Variants in RBMS3 observed in about 807,000 individuals in gnomAD.
RBMS3 encodes the protein RNA binding motif single stranded interacting protein 3.
RBMS3 carries 27 observed loss-of-function variants against 66.8 expected under a neutral mutation model. The ratio of observed to expected loss-of-function variants is 0.40; its 90% CI spans 0.30 to 0.56. The LOEUF is 0.56. Among genes scored for constraint, RBMS3 ranks in the 20% least tolerant of loss-of-function variants. The probability of loss-of-function intolerance (pLI) is 0.40; values close to 1 mark genes in which losing one functional copy is unlikely to be tolerated. For synonymous variants in RBMS3, 188 were observed against 183.0 expected (o/e 1.03, Z -0.22); for missense variants, 513 against 549.5 (o/e 0.93, Z 0.66).
At chr3:29,734,150 G>A (rs2054268975) in intron 4 of RBMS3, among the ~76,000 whole-genome samples, 1 of 152,034 alleles carries the variant, frequency 6.6e-6, no homozygotes, top group Non-Finnish European at 1.5e-5. Flanking sequence ...CACACAGGAA[G>A]ATAAATACCA....
intron 4 of RBMS3, among the ~76,000 whole-genome samples, chr3:29,731,508 A>C (rs1489358576): frequency 6.6e-6 from 1 of 152,122 alleles, no homozygotes; most frequent in Non-Finnish European, 1.5e-5. Flanking sequence ...GACAGAGGGC[A>C]TGTTTTTAGG....
chr3:29,590,378 C>G (rs1221485950), intron 4 of RBMS3, among the ~76,000 whole-genome samples: 1 of 152,014 alleles, frequency 6.6e-6, no homozygotes, highest in Non-Finnish European at 1.5e-5. Context: ...GTTAGTTATT[C>G]AATAAATATT....
At chr3:29,739,972 T>C in intron 5 of RBMS3, 95 bp downstream of exon 5, 1 of 779,200 alleles carries the variant, frequency 1.3e-6, no homozygotes, top group African/African-American at 2.2e-5. Context: ...CAATAGAATA[T>C]GCAAAAAAAA....
At chr3:29,523,913 T>C (rs1488187831) in intron 3 of RBMS3, among the ~76,000 whole-genome samples, 1 of 152,042 alleles carries the variant, frequency 6.6e-6, no homozygotes, top group Non-Finnish European at 1.5e-5. Flanking sequence ...TTTAAATTTT[T>C]TTTTGTAGAG....
In RBMS3 at chr3:29,959,974, C is replaced by T. The variant is rs551096730; in HGVS notation, c.1098+15720C>T. ...CAAACCATATTATTTCACCCCGGCC[C>T]CTCCCAAATCTCATGTCCTTACCTT... is the stretch of plus-strand genomic sequence containing the variant. On this transcript the variant is annotated intron_variant, in intron 12 of 14. Coordinates refer to ENST00000383767, the MANE Select transcript of RBMS3 (RefSeq NM_001003793.3). 1.6e-4 allele frequency among the ~76,000 whole-genome samples: 24 copies of T among 152,190 alleles called. No homozygotes were observed. The South Asian group carries it at 5.0e-3, about 32-fold the overall frequency.
intron 3 of RBMS3, among the ~76,000 whole-genome samples, chr3:29,552,838 A>G (rs1279520214): frequency 2.6e-5 from 4 of 152,284 alleles, no homozygotes; most frequent in East Asian, 1.9e-4. Flanking sequence ...AGTAAAATGT[A>G]TCTCTAGGTA....
At chr3:29,382,475 T>A (rs1034012579) in intron 1 of RBMS3, among the ~76,000 whole-genome samples, 1 of 152,226 alleles carries the variant, frequency 6.6e-6, no homozygotes, top group Non-Finnish European at 1.5e-5. Context: ...GTTGCTTTAG[T>A]ATTTAAATTG....
At chr3:29,289,887 C>T (rs1430726535) in intron 1 of RBMS3, among the ~76,000 whole-genome samples, 2 of 151,810 alleles carry the variant, frequency 1.3e-5, no homozygotes, top group African/African-American at 4.8e-5. Flanking sequence ...CTGGTCATCC[C>T]ACTCTTAGCT....
intron 6 of RBMS3, among the ~76,000 whole-genome samples, chr3:29,808,491 A>T (rs2057627160): frequency 2.0e-5 from 3 of 152,062 alleles, no homozygotes; most frequent in Admixed American, 6.6e-5. Context: ...GAGTGCTAAA[A>T]TAAGGATGCA....
At chr3:29,514,901 A>T (rs1391801453) in intron 3 of RBMS3, among the ~76,000 whole-genome samples, 1 of 151,874 alleles carries the variant, frequency 6.6e-6, no homozygotes, top group South Asian at 2.1e-4. Flanking sequence ...TTTTCTTCTA[A>T]TAACTCCAGA....
At chr3:29,755,082 G>A (rs2055349860) in intron 5 of RBMS3, among the ~76,000 whole-genome samples, 1 of 152,142 alleles carries the variant, frequency 6.6e-6, no homozygotes, top group East Asian at 1.9e-4. Flanking sequence ...ATTAAAAGTG[G>A]TAATGTATTC....
chr3:29,470,171 C>G (rs1211209775), intron 2 of RBMS3, among the ~76,000 whole-genome samples: 1 of 151,480 alleles, frequency 6.6e-6, no homozygotes, highest in African/African-American at 2.4e-5. Flanking sequence ...CCATGACTAA[C>G]CCCAACTTTT....
At chr3:29,607,142 C>T (rs2048341786) in intron 4 of RBMS3, among the ~76,000 whole-genome samples, 1 of 151,852 alleles carries the variant, frequency 6.6e-6, no homozygotes, top group African/African-American at 2.4e-5. Context: ...ATTTGGTTAT[C>T]ATGTCAAGTT....
chr3:29,362,660 G>A (rs1248751491), intron 1 of RBMS3, among the ~76,000 whole-genome samples: 3 of 152,126 alleles, frequency 2.0e-5, no homozygotes, highest in African/African-American at 7.2e-5. Flanking sequence ...CTACCATCTT[G>A]GATGGAGTAC....
chr3:29,435,735 C>A (rs545661301), intron 2 of RBMS3, among the ~76,000 whole-genome samples: 1 of 152,092 alleles, frequency 6.6e-6, no homozygotes, highest in African/African-American at 2.4e-5. Flanking sequence ...GTCAGGAGAT[C>A]GAGACCTGAC....
At chr3:29,694,864 A>T (rs5001798) in intron 4 of RBMS3, among the ~76,000 whole-genome samples, 63,154 of 135,690 alleles carry the variant, frequency 0.47, 13,625 homozygotes, top group South Asian at 0.53. Flanking sequence ...TTTTTTTTAA[A>T]AAAAAAATAC....
At chr3:29,890,891 A>G (rs932805353) in intron 8 of RBMS3, among the ~76,000 whole-genome samples, 1 of 151,604 alleles carries the variant, frequency 6.6e-6, no homozygotes, top group Non-Finnish European at 1.5e-5. Context: ...CAAAAAGAAA[A>G]ATAAAGCAAA....
chr3:29,425,203 C>CAAA (rs1559350653), intron 1 of RBMS3, among the ~76,000 whole-genome samples: 35 of 107,710 alleles, frequency 3.2e-4, no homozygotes, highest in South Asian at 9.2e-4. Flanking sequence ...AAAAAAAAAC[C>CAAA]CCCCAAAAAA....
intron 4 of RBMS3, among the ~76,000 whole-genome samples, chr3:29,629,368 A>G (rs545551880): frequency 6.6e-6 from 1 of 152,130 alleles, no homozygotes; most frequent in Non-Finnish European, 1.5e-5. Context: ...TCAAAGGAAC[A>G]TTGGTGATGA....
Sources: allele counts gnomAD v4.1 joint callset (sites outside exome capture counted in the v4.1 genomes callset), GRCh38; gene constraint gnomAD v4.1.1; transcripts MANE v1.5; gene names NCBI Gene and HGNC (gene_info 2026-07-23, HGNC 2026-07-21).